Variants in MESP1 observed in about 807,000 individuals in gnomAD.
The protein encoded by MESP1 is mesoderm posterior protein 1.
Under a neutral mutation model 15.2 loss-of-function variants are expected in MESP1, and 22 were observed. That is an observed-to-expected ratio of 1.45 (90% confidence interval 1.04 to 2.07). MESP1 has a LOEUF of 2.07. MESP1 is among the 30% of genes most tolerant of loss of function. The pLI is 0.00. For missense variants in MESP1, 484 were observed against 411.9 expected, an observed-to-expected ratio of 1.17 and a Z score of -1.51; for synonymous variants, 216 against 192.6, an observed-to-expected ratio of 1.12 and a Z score of -1.01.
At chr15:89,741,394 A>G in the MESP1 span, among the ~76,000 whole-genome samples, 1 of 151,936 alleles carries the variant, frequency 6.6e-6, no homozygotes, top group Admixed American at 6.6e-5. Context: ...CACCCAGCTA[A>G]TTTTTTTATT....
chr15:89,737,910 T>G, the MESP1 span: 6 of 1,322,792 alleles, frequency 4.5e-6, no homozygotes, highest in Non-Finnish European at 6.2e-6. Flanking sequence ...GTCTTCTCTC[T>G]GAAGTCACAG....
chr15:89,750,040 GC>G lies in MESP1; in HGVS notation c.*103del. On this transcript the variant is annotated 3_prime_UTR_variant, in exon 2 of 2. Coordinates refer to ENST00000300057, the MANE Select transcript of MESP1 (RefSeq NM_018670.4). ...CCGCAGGAATGCCCCCGTCGGGATCGCCCGTGCCCTCTTCCAGGAAAGGCAG... is the reference window on the plus strand; with the variant it reads ...CCGCAGGAATGCCCCCGTCGGGATCGCCGTGCCCTCTTCCAGGAAAGGCAG... The G allele has an allele frequency of 8.8e-7, 1 of 1,142,220 alleles. No individual in the cohort carries two copies. Among genetic ancestry groups the G allele is most frequent in the Non-Finnish European group, 1.3e-6 (1 of 758,124 alleles). 70.8% of individuals were successfully genotyped at this position (1,142,220 alleles called of 1,614,324 possible).
chr15:89,750,028 C>A lies in MESP1; in HGVS notation c.*116G>T. On this transcript the variant is annotated 3_prime_UTR_variant, in exon 2 of 2. Transcript: ENST00000300057. The stretch of plus-strand genomic sequence containing the variant: ...GACGGCTCTCACCCGCAGGAATGCC[C>A]CCGTCGGGATCGCCCGTGCCCTCTT... The A allele has an allele frequency of 9.9e-7, 1 of 1,013,462 alleles. No individual in the cohort carries two copies. The highest frequency in any genetic ancestry group is 1.4e-5 in the South Asian group (1 of 73,882). 62.8% of individuals were successfully genotyped at this position (1,013,462 alleles called of 1,614,324 possible). A position where few individuals can be genotyped will look rare whatever the true frequency, so the allele number is the denominator to read the frequency against.
chr15:89,747,546 T>G (rs1967994931), downstream of MESP1, among the ~76,000 whole-genome samples: 1 of 152,210 alleles, frequency 6.6e-6, no homozygotes, highest in South Asian at 2.1e-4. Flanking sequence ...CCACGGCACG[T>G]GGGGCCTGGC....
chr15:89,735,128 C>A, the MESP1 span, among the ~76,000 whole-genome samples: 1 of 151,964 alleles, frequency 6.6e-6, no homozygotes, highest in African/African-American at 2.4e-5. Context: ...AGTGCTGGGC[C>A]CCCAAAGTGC....
At chr15:89,745,979 C>CCACACCTCCACGCATA (rs1567138832), downstream of MESP1, among the ~76,000 whole-genome samples, 1 of 149,494 alleles carries the variant, frequency 6.7e-6, no homozygotes, top group East Asian at 2.0e-4. This position sits in a 1 kb window ranked among gnomAD's most constrained non-coding sequence, Gnocchi z 4.8. Context: ...CTCCACACAT[C>CCACACCTCCACGCATA]CACACCTCCA....
At chr15:89,735,626 T>C in the MESP1 span, 3 of 1,490,194 alleles carry the variant, frequency 2.0e-6, no homozygotes, top group Non-Finnish European at 2.8e-6. Flanking sequence ...TCATCTGTCC[T>C]TTAGAAAATG....
At chr15:89,741,119 G>A in the MESP1 span, among the ~76,000 whole-genome samples, 2 of 151,462 alleles carry the variant, frequency 1.3e-5, no homozygotes, top group African/African-American at 4.9e-5. Context: ...CAGCCTGGGC[G>A]ACAGAGCAAG....
At chr15:89,737,549 C>A in the MESP1 span, 2 of 1,614,008 alleles carry the variant, frequency 1.2e-6, no homozygotes, top group Non-Finnish European at 1.7e-6. Context: ...TAGAAGCCCC[C>A]CTCACCATCT....
At chr15:89,739,269 T>A in the MESP1 span, among the ~76,000 whole-genome samples, 1 of 152,196 alleles carries the variant, frequency 6.6e-6, no homozygotes, top group Non-Finnish European at 1.5e-5. Flanking sequence ...TTATGTATTA[T>A]CTATGGCTAC....
chr15:89,741,453 C>T, the MESP1 span, among the ~76,000 whole-genome samples: 1 of 152,162 alleles, frequency 6.6e-6, no homozygotes, highest in Admixed American at 6.5e-5. Context: ...GTCTTGAACT[C>T]TTAGGCTCAA....
chr15:89,737,645 G>A, the MESP1 span: 1 of 1,614,174 alleles, frequency 6.2e-7, no homozygotes, highest in South Asian at 1.1e-5. Context: ...CTGTGCCTTT[G>A]CCCCTCCGGG....
At chr15:89,738,328 G>C in the MESP1 span, 16 of 1,424,988 alleles carry the variant, frequency 1.1e-5, no homozygotes, top group Non-Finnish European at 1.4e-5. Context: ...AATCCTTTCA[G>C]CATTGAAATT....
At chr15:89,745,903 AAAGAGCATCCACACCTCCACTCCTCC>A (rs1184439915), downstream of MESP1, among the ~76,000 whole-genome samples, 3 of 81,670 alleles carry the variant, frequency 3.7e-5, no homozygotes, top group African/African-American at 1.3e-4. This position sits in a 1 kb window ranked among gnomAD's most constrained non-coding sequence, Gnocchi z 4.8. Flanking sequence ...CCACACCTCC[AAAGAGCATCCACACCTCCACTCCTCC>A]CAACAGGATC....
chr15:89,750,559 C>T lies in MESP1; in HGVS notation c.673G>A (p.Glu225Lys). ...GCCTGCCCTTCAGGGCACGCCGCCT[C>T]GGCGAACAGCGCAGGCGGGTCGCGC... The part of the protein sequence containing the change: ...EPRDPPALFA[E>K]AACPEGQAME... The change falls in exon 1 of 2, where the codon GAG becomes AAG. Residue 225 changes from glutamate (E) to lysine (K), a missense_variant. Physicochemically the swap from Glu to Lys is moderately conservative, Grantham distance 56. Coordinates refer to ENST00000300057, the MANE Select transcript of MESP1 (RefSeq NM_018670.4). 6.8e-7 allele frequency: 1 copy of T among 1,469,020 alleles called. No individual in the cohort carries two copies. Among genetic ancestry groups the T allele is most frequent in the Non-Finnish European group, 8.9e-7 (1 of 1,117,510 alleles). The allele number at this position is 1,469,020 out of a possible 1,614,324, so 91.0% of individuals were successfully genotyped here. A position where few individuals can be genotyped will look rare whatever the true frequency, so the allele number is the denominator to read the frequency against.
chr15:89,737,040 C>T, the MESP1 span, among the ~76,000 whole-genome samples: 1 of 152,196 alleles, frequency 6.6e-6, no homozygotes, highest in Non-Finnish European at 1.5e-5. Context: ...ATCCGCCCAC[C>T]TTGGCCTCCC....
chr15:89,744,364 C>A, the MESP1 span, among the ~76,000 whole-genome samples: 1 of 152,218 alleles, frequency 6.6e-6, no homozygotes, highest in Non-Finnish European at 1.5e-5. Flanking sequence ...TCTCCACACC[C>A]CACCATGGGA....
chr15:89,750,131 C>T lies in MESP1; in HGVS notation c.*13G>A. 2 of 1,613,508 alleles carry T rather than the reference C, an allele frequency of 1.2e-6. No individual in the cohort carries two copies. Among genetic ancestry groups the T allele is most frequent in the Non-Finnish European group, 1.7e-6 (2 of 1,179,582 alleles). ...GCCTCGGTGCTCACAGAGACGGCGT[C>T]AGTTGTCCCTTGTCACTTGGGCTCC... is the stretch of plus-strand genomic sequence containing the variant. On this transcript the variant is annotated 3_prime_UTR_variant, in exon 2 of 2. Coordinates refer to ENST00000300057, the MANE Select transcript of MESP1 (RefSeq NM_018670.4).
chr15:89,735,691 TAGAA>T, the MESP1 span: 1 of 858,134 alleles, frequency 1.2e-6, no homozygotes, highest in Non-Finnish European at 1.8e-6. Flanking sequence ...GGTTTACAAA[TAGAA>T]AGAGAAAGAA....
Sources: gnomAD v4.1 joint callset for allele counts (sites outside exome capture counted in the v4.1 genomes callset) on GRCh38, gnomAD v4.1.1 for gene constraint, Gnocchi (gnomAD v3.1) non-coding constraint, MANE v1.5 for transcripts, NCBI Gene and HGNC (gene_info 2026-07-23, HGNC 2026-07-21) for gene names.